Variants in TRAP1 observed in about 807,000 individuals in gnomAD.
TRAP1 encodes the protein heat shock protein 75 kDa, mitochondrial.
In TRAP1, 102 loss-of-function variants were observed where a neutral mutation model predicts 89.1. The ratio of observed to expected loss-of-function variants is 1.15; its 90% CI spans 0.98 to 1.35. TRAP1 has a LOEUF of 1.35. Among genes scored for constraint, TRAP1 ranks in the 40% most tolerant of loss-of-function variants. TRAP1 has a pLI of 0.00. For synonymous variants in TRAP1, 508 were observed against 388.0 expected, an observed-to-expected ratio of 1.31 and a Z score of -3.64; for missense variants, 1,256 against 945.3, an observed-to-expected ratio of 1.33 and a Z score of -4.31.
chr16:3,708,974 C>T (rs1437648293), intron 1 of TRAP1, among the ~76,000 whole-genome samples: 2 of 151,684 alleles, frequency 1.3e-5, no homozygotes, highest in East Asian at 2.0e-4. Flanking sequence ...CGCCACCATG[C>T]CCAGATAATT....
Position 3,662,945 on chromosome 16 carries a change from C to T in TRAP1, c.1731G>A (p.Lys577=). The T allele has an allele frequency of 6.2e-7, 1 of 1,612,270 alleles. No individual in the cohort carries two copies. The highest frequency in any genetic ancestry group is 1.1e-5 in the South Asian group (1 of 91,078). Residue 577 remains lysine (K), a synonymous_variant, in exon 15 of 18, where the codon AAG becomes AAA. Transcript: ENST00000246957. ...TCCAGGCCATGAGCTCCTCCGTCTC[C>T]TTCTCTGATAGGCACTCGGCGGCTG... ...RSPAAECLSE[K]ETEELMAWMR...
intron 1 of TRAP1, among the ~76,000 whole-genome samples, chr16:3,702,552 G>T (rs989100806): frequency 2.0e-5 from 3 of 151,564 alleles, no homozygotes; most frequent in African/African-American, 7.3e-5. Context: ...AGACCAGCAT[G>T]GGCAAACTGG....
chr16:3,716,342 T>C (rs901076893), intron 1 of TRAP1, among the ~76,000 whole-genome samples: 5 of 152,222 alleles, frequency 3.3e-5, no homozygotes, highest in African/African-American at 1.2e-4. Context: ...ATTCTAAAAT[T>C]CTAATTATGT....
chr16:3,682,783 C>T (rs1340615729), intron 4 of TRAP1, among the ~76,000 whole-genome samples: 1 of 150,568 alleles, frequency 6.6e-6, no homozygotes, highest in Non-Finnish European at 1.5e-5. Flanking sequence ...TCACTTGAGC[C>T]CAGGAGGTCA....
intron 3 of TRAP1, among the ~76,000 whole-genome samples, chr16:3,688,232 C>A (rs989594163): frequency 2.0e-5 from 3 of 152,050 alleles, no homozygotes; most frequent in African/African-American, 7.2e-5. Flanking sequence ...GACTCCTGGA[C>A]TCACACAATC....
intron 1 of TRAP1, among the ~76,000 whole-genome samples, chr16:3,706,069 T>A (rs1434220403): frequency 6.6e-6 from 1 of 151,466 alleles, no homozygotes; most frequent in Non-Finnish European, 1.5e-5. Flanking sequence ...AACCTCCAAT[T>A]CCCAGGGTCA....
At chr16:3,716,928 G>A (rs983350819) in intron 1 of TRAP1, among the ~76,000 whole-genome samples, 2 of 152,218 alleles carry the variant, frequency 1.3e-5, no homozygotes, top group African/African-American at 4.8e-5. Context: ...CACTGAGCGG[G>A]CGCTCACATG....
intron 1 of TRAP1, among the ~76,000 whole-genome samples, chr16:3,698,461 C>A (rs1309738849): frequency 6.6e-6 from 1 of 151,930 alleles, no homozygotes; most frequent in Non-Finnish European, 1.5e-5. Flanking sequence ...CGCCACCATG[C>A]CCGGCTAATT....
intron 9 of TRAP1, among the ~76,000 whole-genome samples, chr16:3,674,037 C>T (rs2050952709): frequency 6.6e-6 from 1 of 152,192 alleles, no homozygotes; most frequent in African/African-American, 2.4e-5. Context: ...CATGTGTGAC[C>T]CCTGAGACAG....
intron 1 of TRAP1, among the ~76,000 whole-genome samples, chr16:3,715,859 AATT>A (rs1032908794): frequency 1.9e-4 from 29 of 152,090 alleles, no homozygotes; most frequent in South Asian, 6.2e-4. Context: ...TCTGAGGGAA[AATT>A]ATTATTATTT....
chr16:3,697,588 C>T (rs972768098), intron 1 of TRAP1, among the ~76,000 whole-genome samples: 7 of 147,836 alleles, frequency 4.7e-5, no homozygotes, highest in Non-Finnish European at 8.9e-5. Flanking sequence ...GGCATGAACC[C>T]GGGAGACGGA....
rs1237844684 is a variant in TRAP1, at chr16:3,666,108, C to A, written c.1246G>T (p.Asp416Tyr). 3 of 1,611,152 alleles carry A rather than the reference C, an allele frequency of 1.9e-6. No individual in the cohort carries two copies. The highest frequency in any genetic ancestry group is 2.5e-6 in the Non-Finnish European group (3 of 1,179,194). The change falls in exon 12 of 18, where the codon GAC (aspartate) becomes TAC (tyrosine). Residue 416 changes from aspartate to tyrosine, a missense_variant. By Grantham distance (160) the Asp-to-Tyr change is radical (BLOSUM62 -3). Coordinates refer to ENST00000246957, the MANE Select transcript of TRAP1 (RefSeq NM_016292.3). ...QESALIRKLR[D>Y]VLQQRLIKFF... Reference sequence around the variant, plus strand: ...TTGATCAGCCTCTGCTGTAAAACGTCCCGGAGTTTCCTACAGAAAAGAAAT... The same window carrying A: ...TTGATCAGCCTCTGCTGTAAAACGTACCGGAGTTTCCTACAGAAAAGAAAT...
At chr16:3,684,969 T>C (rs1357156960) in intron 4 of TRAP1, among the ~76,000 whole-genome samples, 5 of 152,186 alleles carry the variant, frequency 3.3e-5, no homozygotes. Flanking sequence ...AAAATCATTA[T>C]TGTAACATAA....
chr16:3,670,178 C>G (rs370655284), intron 11 of TRAP1, among the ~76,000 whole-genome samples: 55 of 150,844 alleles, frequency 3.6e-4, no homozygotes, highest in Admixed American at 1.2e-3. Context: ...GTCAGGAGAT[C>G]GAGACCATCC....
At position 3,698,501 on chromosome 16, in the gene TRAP1, A is replaced by T. The variant is rs1384757951; in HGVS notation, c.89-7516T>A. On this transcript the variant is annotated intron_variant, in intron 1 of 17. Transcript: ENST00000246957. Reference sequence around the variant, plus strand: ...GTATTTTTAGTAGAGATGGGGTTTCACCGTGTTAGCCAGGATGGTCTTGAT... The same window carrying T: ...GTATTTTTAGTAGAGATGGGGTTTCTCCGTGTTAGCCAGGATGGTCTTGAT... Among the ~76,000 whole-genome samples, 14 of 151,706 alleles carry T rather than the reference A, an allele frequency of 9.2e-5. 1 individual carries two copies. Among genetic ancestry groups the T allele is most frequent in the Non-Finnish European group, 4.4e-5 (3 of 67,924 alleles).
intron 1 of TRAP1, among the ~76,000 whole-genome samples, chr16:3,706,314 G>A (rs558804383): frequency 6.6e-6 from 1 of 151,914 alleles, no homozygotes; most frequent in Admixed American, 6.6e-5. Context: ...TCACTATGTT[G>A]CCTGGAGTGC....
intron 4 of TRAP1, among the ~76,000 whole-genome samples, chr16:3,682,485 G>A (rs1338059262): frequency 6.6e-6 from 1 of 152,028 alleles, no homozygotes; most frequent in Admixed American, 6.6e-5. Context: ...CGCCTCCCGA[G>A]TTCAAGCAAT....
intron 5 of TRAP1, among the ~76,000 whole-genome samples, chr16:3,679,039 T>C (rs2051038938): frequency 6.6e-6 from 1 of 152,146 alleles, no homozygotes; most frequent in South Asian, 2.1e-4. Context: ...TCTGTGGGTC[T>C]GGGCATAGTG....
At chr16:3,713,436 TTC>T (rs1326291173) in intron 1 of TRAP1, among the ~76,000 whole-genome samples, 1 of 152,146 alleles carries the variant, frequency 6.6e-6, no homozygotes, top group Non-Finnish European at 1.5e-5. Context: ...TCTCCCGACC[TTC>T]CTGGTGCTGG....
Sources: allele counts gnomAD v4.1 joint callset (sites outside exome capture counted in the v4.1 genomes callset), GRCh38; gene constraint gnomAD v4.1.1; transcripts MANE v1.5; gene names NCBI Gene and HGNC (gene_info 2026-07-23, HGNC 2026-07-21).